RPGRIP1L: variants seen among roughly 807,000 people sequenced by gnomAD.
The protein encoded by RPGRIP1L is protein fantom.
In RPGRIP1L, 131 loss-of-function variants were observed where a neutral mutation model predicts 160.4. That is an observed-to-expected ratio of 0.82 (90% CI 0.71 to 0.94). The LOEUF (loss-of-function observed/expected upper bound fraction) is 0.94. RPGRIP1L is among the 40% of genes least tolerant of loss of function. The pLI is 0.00. For synonymous variants in RPGRIP1L, 510 were observed against 515.8 expected (o/e 0.99, Z 0.15); for missense variants, 1,522 against 1,535.8 (o/e 0.99, Z 0.15).
chr16:53,683,823 A>G (rs958416251), intron 6 of RPGRIP1L, among the ~76,000 whole-genome samples: 11 of 152,154 alleles, frequency 7.2e-5, no homozygotes, highest in Admixed American at 5.9e-4. Flanking sequence ...GAACCAAAAA[A>G]TGGCAAAGAA....
intron 15 of RPGRIP1L, among the ~76,000 whole-genome samples, 199 bp downstream of exon 15, chr16:53,652,336 G>C (rs568936023): frequency 1.4e-4 from 22 of 152,296 alleles, no homozygotes; most frequent in Admixed American, 7.2e-4. Context: ...GCCTCCCAAA[G>C]TGCTGGGATT....
Position 53,619,770 on chromosome 16 carries a change from G to A in RPGRIP1L, c.3433-562C>T, listed in dbSNP as rs549313687. 2.0e-5 allele frequency among the ~76,000 whole-genome samples: 3 copies of A among 152,178 alleles called. No homozygotes were observed. In the South Asian group the frequency reaches 6.2e-4, roughly 32 times the overall value. On this transcript the variant is annotated intron_variant, in intron 23 of 26. Coordinates refer to ENST00000647211, the MANE Select transcript of RPGRIP1L (RefSeq NM_015272.5). Reference sequence around the variant, plus strand: ...TGTTGAATAAATAATACATTTTCAAGCAAAAGAAACAATTTTATGTCTAAT... The same window carrying A: ...TGTTGAATAAATAATACATTTTCAAACAAAAGAAACAATTTTATGTCTAAT...
At chr16:53,691,030 G>C (rs1970349954) in intron 4 of RPGRIP1L, among the ~76,000 whole-genome samples, 1 of 151,974 alleles carries the variant, frequency 6.6e-6, no homozygotes, top group African/African-American at 2.4e-5. Flanking sequence ...TCTATCTAGG[G>C]AAAAGATAGT....
intron 6 of RPGRIP1L, among the ~76,000 whole-genome samples, chr16:53,683,107 T>C (rs1342273229): frequency 6.6e-6 from 1 of 152,130 alleles, no homozygotes; most frequent in Non-Finnish European, 1.5e-5. Flanking sequence ...AAGTCTGATA[T>C]TAAGCATCCT....
At chr16:53,655,559 A>G (rs1368911965) in intron 14 of RPGRIP1L, 1 of 152,186 alleles carries the variant, frequency 6.6e-6, no homozygotes, top group Non-Finnish European at 1.5e-5. Context: ...CAAAACTCCA[A>G]CAGCTGAAGA....
rs2111119 is a variant in RPGRIP1L, at chr16:53,637,842, C to T, written c.3073G>A (p.Gly1025Ser). 156,217 of 1,611,706 alleles carry T rather than the reference C, an allele frequency of 0.097. 9,243 individuals are homozygous for T. Among genetic ancestry groups the T allele is most frequent in the East Asian group, 0.28 (12,692 of 44,750 alleles). The change falls in exon 21 of 27, where the codon GGC becomes AGC. Residue 1025 changes from glycine (G) to serine (S), a missense_variant. Physicochemically the swap from Gly to Ser is moderately conservative, Grantham distance 56 (BLOSUM62 0). Coordinates refer to ENST00000647211, the MANE Select transcript of RPGRIP1L (RefSeq NM_015272.5). Reference protein sequence around the residue: ...VPHVPKVSQEGSVDEVKENTE... With the variant: ...VPHVPKVSQESSVDEVKENTE... ...TTCTCTTTTACCTCATCTACACTGC[C>T]TTCTTGTGAAACCTGAAGAAATCAA...
At chr16:53,643,493 G>T (rs1966369328) in intron 17 of RPGRIP1L, among the ~76,000 whole-genome samples, 1 of 152,080 alleles carries the variant, frequency 6.6e-6, no homozygotes, top group Non-Finnish European at 1.5e-5. Context: ...GCTGAGGCAG[G>T]CTTGTAGACT....
At chr16:53,668,548 T>C (rs569310654) in intron 9 of RPGRIP1L, among the ~76,000 whole-genome samples, 1 of 152,254 alleles carries the variant, frequency 6.6e-6, no homozygotes, top group East Asian at 1.9e-4. Context: ...TGCAGATGGA[T>C]AGGCGAAGAA....
intron 21 of RPGRIP1L, 45 bp from the exon 22 acceptor site, chr16:53,636,557 T>C (rs758403020): frequency 2.9e-5 from 37 of 1,290,080 alleles, no homozygotes; most frequent in Non-Finnish European, 3.8e-5. Context: ...GTTAAACCAA[T>C]TCTACTTATA....
intron 7 of RPGRIP1L, 80 bp downstream of exon 7, chr16:53,674,937 T>C (rs1318729239): frequency 2.5e-5 from 22 of 883,794 alleles, no homozygotes; most frequent in Middle Eastern, 2.6e-4. Context: ...GATAATTCCA[T>C]GTTAAAAAAA....
intron 22 of RPGRIP1L, among the ~76,000 whole-genome samples, chr16:53,624,965 C>T (rs1035448042): frequency 1.3e-5 from 2 of 152,130 alleles, no homozygotes; most frequent in African/African-American, 2.4e-5. Context: ...AGGGTTTGGC[C>T]GTGTTGGCCA....
At chr16:53,648,855 A>C in intron 16 of RPGRIP1L, 109 bp downstream of exon 16, 1 of 1,027,494 alleles carries the variant, frequency 9.7e-7, no homozygotes, top group Non-Finnish European at 1.5e-6. Context: ...AAAAGTTAAA[A>C]AAAGACACTT....
intron 22 of RPGRIP1L, among the ~76,000 whole-genome samples, chr16:53,625,435 T>TGG (rs536618406): frequency 8.6e-6 from 1 of 115,954 alleles, no homozygotes; most frequent in Non-Finnish European, 1.8e-5. Flanking sequence ...GGGGGTGGGG[T>TGG]GGGGGGTGCC....
intron 22 of RPGRIP1L, among the ~76,000 whole-genome samples, chr16:53,633,377 C>G (rs771803709): frequency 6.6e-6 from 1 of 152,140 alleles, no homozygotes; most frequent in Non-Finnish European, 1.5e-5. Flanking sequence ...TGAGGAAACA[C>G]CAGACAAATC....
In RPGRIP1L at chr16:53,672,992, G is replaced by T. The variant is rs1968871804; in HGVS notation, c.907C>A (p.His303Asn). The T allele has an allele frequency of 1.2e-6, 2 of 1,612,958 alleles. No individual in the cohort carries two copies. Among genetic ancestry groups the T allele is most frequent in the Non-Finnish European group, 1.7e-6 (2 of 1,179,484 alleles). The change falls in exon 8 of 27, where the codon CAC becomes AAC. Residue 303 changes from histidine (H) to asparagine (N), a missense_variant. His to Asn is a moderately conservative substitution (Grantham distance 68, BLOSUM62 1). Transcript: ENST00000647211. ...QEKQRTLRIS[H>N]DALMANGDEL... ...TCCCCATTTGCCATCAAAGCATCGTGGCTGATTCTGAGAGTTCTTTGCTTC... is the reference window on the plus strand; with the variant it reads ...TCCCCATTTGCCATCAAAGCATCGTTGCTGATTCTGAGAGTTCTTTGCTTC...
intron 6 of RPGRIP1L, among the ~76,000 whole-genome samples, chr16:53,684,853 T>C (rs1248546544): frequency 6.6e-6 from 1 of 150,790 alleles, no homozygotes; most frequent in Non-Finnish European, 1.5e-5. Context: ...AAAAGCAAAA[T>C]TGACAAATGG....
At chr16:53,616,814 G>A (rs938451779) in intron 24 of RPGRIP1L, among the ~76,000 whole-genome samples, 1 of 152,000 alleles carries the variant, frequency 6.6e-6, no homozygotes, top group Non-Finnish European at 1.5e-5. Context: ...GCTCGCACCT[G>A]TAATACCAGC....
At chr16:53,639,031 C>T (rs1021055592) in intron 19 of RPGRIP1L, among the ~76,000 whole-genome samples, 5 of 151,404 alleles carry the variant, frequency 3.3e-5, no homozygotes, top group Admixed American at 3.3e-4. Context: ...TTATAAACTA[C>T]TCATGTGATT....
intron 17 of RPGRIP1L, 89 bp downstream of exon 17, chr16:53,645,536 G>T: frequency 8.1e-7 from 1 of 1,233,232 alleles, no homozygotes; most frequent in Non-Finnish European, 1.1e-6. Context: ...AGGTTAGGGT[G>T]ATTAGTTATA....
Sources: allele counts gnomAD v4.1 joint callset (sites outside exome capture counted in the v4.1 genomes callset), GRCh38; gene constraint gnomAD v4.1.1; transcripts MANE v1.5; gene names NCBI Gene and HGNC (gene_info 2026-07-23, HGNC 2026-07-21).